Variants in JAZF1 observed in about 807,000 individuals in gnomAD.
JAZF1 encodes JAZF zinc finger 1.
JAZF1 carries 8 observed loss-of-function variants against 26.4 expected under a neutral mutation model. That is an observed-to-expected ratio of 0.30 (90% CI 0.18 to 0.55). The LOEUF (loss-of-function observed/expected upper bound fraction) is 0.55, where lower values mean the gene tolerates loss of function less well. Ranked by LOEUF, JAZF1 falls within the 20% of genes least tolerant of loss-of-function variation. The pLI is 0.94. For synonymous variants in JAZF1, 126 were observed against 122.3 expected (o/e 1.03, Z -0.20); for missense variants, 199 against 322.0 (o/e 0.62, Z 2.92).
intron 1 of JAZF1, among the ~76,000 whole-genome samples, chr7:28,027,006 C>G (rs547233895): frequency 6.6e-6 from 1 of 152,226 alleles, no homozygotes; most frequent in South Asian, 2.1e-4. Context: ...AAAACAGACT[C>G]TTTAATTTAT....
intron 2 of JAZF1, among the ~76,000 whole-genome samples, chr7:27,965,600 A>G (rs1312347125): frequency 6.6e-6 from 1 of 152,244 alleles, no homozygotes; most frequent in Non-Finnish European, 1.5e-5. Flanking sequence ...ACATTTGAGC[A>G]TATTCAGTAA....
At chr7:27,836,242 A>G (rs1237503703) in intron 4 of JAZF1, among the ~76,000 whole-genome samples, 3 of 152,212 alleles carry the variant, frequency 2.0e-5, no homozygotes, top group Non-Finnish European at 2.9e-5. Context: ...AGTTTTCTCA[A>G]AGTGATGCTC....
chr7:27,872,496 G>A (rs184494538), intron 3 of JAZF1, among the ~76,000 whole-genome samples: 120 of 152,284 alleles, frequency 7.9e-4, no homozygotes, highest in African/African-American at 2.4e-3. Context: ...CAGCCCACGC[G>A]GGTATACGGC....
intron 2 of JAZF1, among the ~76,000 whole-genome samples, chr7:27,928,630 C>A (rs901208533): frequency 2.0e-5 from 3 of 152,208 alleles, no homozygotes; most frequent in African/African-American, 7.2e-5. Context: ...AGCCTTCTAA[C>A]AGAGCAAGCA....
rs1255749818 is a variant in JAZF1, at chr7:27,895,205, G to A, written c.385+15C>T. 3 of 1,566,754 alleles carry A rather than the reference G, an allele frequency of 1.9e-6. No individual in the cohort carries two copies. The highest frequency in any genetic ancestry group is 1.2e-5 in the South Asian group (1 of 84,822). ...CCTCTCCTCCTTCTCAAGGCGGTAG[G>A]GCCAGGCCACTCACCTGTCGGAGTG... On this transcript the variant is annotated intron_variant, in intron 3 of 4. Coordinates refer to ENST00000283928, the MANE Select transcript of JAZF1 (RefSeq NM_175061.4).
chr7:27,945,979 T>C (rs889393404), intron 2 of JAZF1, among the ~76,000 whole-genome samples: 2 of 152,186 alleles, frequency 1.3e-5, no homozygotes, highest in Non-Finnish European at 2.9e-5. Flanking sequence ...CATACAACCA[T>C]TTTGTTTTTC....
intron 2 of JAZF1, among the ~76,000 whole-genome samples, chr7:27,937,697 A>G (rs1784779898): frequency 6.6e-6 from 1 of 152,188 alleles, no homozygotes; most frequent in African/African-American, 2.4e-5. Flanking sequence ...CAGAATCAAT[A>G]TGCTATGAAA....
intron 1 of JAZF1, among the ~76,000 whole-genome samples, chr7:28,081,476 C>T (rs1228593292): frequency 8.5e-5 from 13 of 152,152 alleles, no homozygotes; most frequent in East Asian, 1.9e-4. Flanking sequence ...CAGCAAGCTG[C>T]GCCATTCCCC....
At chr7:27,879,085 T>G (rs1486696990) in intron 3 of JAZF1, among the ~76,000 whole-genome samples, 1 of 152,226 alleles carries the variant, frequency 6.6e-6, no homozygotes, top group Non-Finnish European at 1.5e-5. Context: ...CTCAGGAGTC[T>G]CTGAAACCTG....
At chr7:28,014,197 G>A (rs571873180) in intron 1 of JAZF1, among the ~76,000 whole-genome samples, 1 of 152,268 alleles carries the variant, frequency 6.6e-6, no homozygotes, top group East Asian at 1.9e-4. Context: ...ACAGATAAAG[G>A]AAAGGAATAG....
At position 27,870,125 on chromosome 7, in the gene JAZF1, C is replaced by G. The variant is rs1783556221; in HGVS notation, c.385+25095G>C. Among the ~76,000 whole-genome samples the G allele has an allele frequency of 2.1e-5, 3 of 144,530 alleles. No individual in the cohort carries two copies. In the South Asian group the frequency reaches 6.6e-4, roughly 32 times the overall value. The allele number at this position is 144,530 out of a possible 152,430, so 94.8% of individuals were successfully genotyped here. ...TATTTTTAGTAGAGACTGGGTTTCA[C>G]CATGTTGGTCAGGCTGGTCTCGAAC... On this transcript the variant is annotated intron_variant, in intron 3 of 4. Transcript: ENST00000283928.
At chr7:27,967,391 T>C (rs1785295834) in intron 2 of JAZF1, among the ~76,000 whole-genome samples, 1 of 152,066 alleles carries the variant, frequency 6.6e-6, no homozygotes, top group South Asian at 2.1e-4. Flanking sequence ...TAGGGACATC[T>C]TACAGCTTTC....
At chr7:27,894,801 A>G (rs1784031073) in intron 3 of JAZF1, among the ~76,000 whole-genome samples, 1 of 152,200 alleles carries the variant, frequency 6.6e-6, no homozygotes, top group East Asian at 1.9e-4. Flanking sequence ...AAGAAAAATT[A>G]TATCTAAATT....
chr7:28,041,034 G>T (rs1377457985), intron 1 of JAZF1, among the ~76,000 whole-genome samples: 1 of 152,102 alleles, frequency 6.6e-6, no homozygotes, highest in East Asian at 1.9e-4. Flanking sequence ...TGCTCTCAAA[G>T]ACACAAATTC....
intron 3 of JAZF1, among the ~76,000 whole-genome samples, chr7:27,883,439 C>A (rs1374181262): frequency 6.6e-6 from 1 of 152,212 alleles, no homozygotes; most frequent in African/African-American, 2.4e-5. Context: ...AGGTTTTTAA[C>A]TAAATGTAAA....
rs557778652 is a variant in JAZF1, at chr7:28,145,130, C to T, written c.115+35333G>A. 4.6e-5 allele frequency among the ~76,000 whole-genome samples: 7 copies of T among 152,170 alleles called. No homozygotes were observed. The South Asian group carries it at 8.3e-4, about 18-fold the overall frequency. On this transcript the variant is annotated intron_variant, in intron 1 of 4. Transcript: ENST00000283928. ...CCAAGAGATCAAAGCATGATTTAGG[C>T]TGATAGAAAAATTAAAAAAATAAAC... is the stretch of plus-strand genomic sequence containing the variant.
intron 2 of JAZF1, among the ~76,000 whole-genome samples, chr7:27,974,043 T>A (rs1466397709): frequency 6.6e-6 from 1 of 152,082 alleles, no homozygotes; most frequent in Non-Finnish European, 1.5e-5. Flanking sequence ...GGAATATAAT[T>A]CCAAGCTTCC....
At chr7:28,146,864 G>GTTT (rs1185605463) in intron 1 of JAZF1, among the ~76,000 whole-genome samples, 3 of 135,624 alleles carry the variant, frequency 2.2e-5, no homozygotes, top group Non-Finnish European at 3.2e-5. Flanking sequence ...GTTTTTTTTT[G>GTTT]TTTTTTTTTT....
intron 2 of JAZF1, among the ~76,000 whole-genome samples, chr7:27,986,424 T>G (rs556647604): frequency 0.014 from 2,074 of 152,186 alleles, 53 homozygotes; most frequent in African/African-American, 0.048. Context: ...AAGGACCTCT[T>G]CAAGGAGAAC....
Sources: gnomAD v4.1 joint callset for allele counts (sites outside exome capture counted in the v4.1 genomes callset) on GRCh38, gnomAD v4.1.1 for gene constraint, MANE v1.5 for transcripts, NCBI Gene and HGNC (gene_info 2026-07-23, HGNC 2026-07-21) for gene names.